NRP1: variants seen among roughly 807,000 people sequenced by gnomAD.
NRP1 encodes neuropilin 1, also known as neuropilin-1.
NRP1 carries 35 observed loss-of-function variants against 106.7 expected under a neutral mutation model. The observed-to-expected ratio is 0.33, with a 90% CI of 0.25 to 0.43. The LOEUF is 0.43. Ranked by LOEUF, NRP1 falls within the 20% of genes least tolerant of loss-of-function variation. The pLI is 1.00. For synonymous variants in NRP1, 437 were observed against 417.9 expected (o/e 1.05, Z -0.56); for missense variants, 1,024 against 1,170.4 (o/e 0.87, Z 1.83).
At chr10:33,238,506 A>G (rs1351828956) in intron 6 of NRP1, among the ~76,000 whole-genome samples, 1 of 152,188 alleles carries the variant, frequency 6.6e-6, no homozygotes, top group Non-Finnish European at 1.5e-5. Flanking sequence ...GAAGGTGATA[A>G]GATTCCTGCC....
At chr10:33,306,288 A>G (rs1257001043) in intron 2 of NRP1, among the ~76,000 whole-genome samples, 1 of 152,074 alleles carries the variant, frequency 6.6e-6, no homozygotes, top group Non-Finnish European at 1.5e-5. Flanking sequence ...AATGAGTGTT[A>G]AACCACTGCC....
rs550737752 is a variant in NRP1 at position 33,186,142 on chromosome 10, T to C, written c.2334+75A>G. On this transcript the variant is annotated intron_variant, in intron 14 of 16. Coordinates refer to ENST00000374867, the MANE Select transcript of NRP1 (RefSeq NM_003873.7). ...ATTTCGGAATAATTCCCATGTCTCA[T>C]TTGCACAGCCTCCAACATATCATCT... 116 of 1,493,398 alleles carry C rather than the reference T, an allele frequency of 7.8e-5. No homozygotes were observed. In the African/African-American group the frequency reaches 1.5e-3, roughly 20 times the overall value. 92.5% of individuals were successfully genotyped at this position (1,493,398 alleles called of 1,614,324 possible). A position where few individuals can be genotyped will look rare whatever the true frequency, so the allele number is the denominator to read the frequency against.
At chr10:33,282,013 A>G (rs970312428) in intron 2 of NRP1, among the ~76,000 whole-genome samples, 2 of 152,250 alleles carry the variant, frequency 1.3e-5, no homozygotes, top group Non-Finnish European at 2.9e-5. Context: ...ATATTCTGAA[A>G]AATACTGTTT....
At chr10:33,264,228 T>C (rs915299639) in intron 3 of NRP1, among the ~76,000 whole-genome samples, 2 of 152,356 alleles carry the variant, frequency 1.3e-5, no homozygotes, top group Admixed American at 1.3e-4. Context: ...CTTAAACCTT[T>C]AAATCTTGAG....
intron 2 of NRP1, among the ~76,000 whole-genome samples, chr10:33,289,019 G>T (rs1338460344): frequency 2.6e-5 from 4 of 152,110 alleles, no homozygotes; most frequent in African/African-American, 9.7e-5. Flanking sequence ...TCATGCTACT[G>T]AGAAAATGAA....
intron 2 of NRP1, among the ~76,000 whole-genome samples, chr10:33,330,022 A>G (rs1218493880): frequency 6.6e-6 from 1 of 152,240 alleles, no homozygotes; most frequent in Admixed American, 6.5e-5. Flanking sequence ...TTAACAATAG[A>G]AAGAGATAGC....
At chr10:33,318,900 G>C (rs11492493) in intron 2 of NRP1, among the ~76,000 whole-genome samples, 4 of 151,514 alleles carry the variant, frequency 2.6e-5, no homozygotes, top group African/African-American at 9.7e-5. Flanking sequence ...CGTCAGGCTT[G>C]GCAGCCTGTT....
At chr10:33,317,700 A>T (rs970183892) in intron 2 of NRP1, among the ~76,000 whole-genome samples, 3 of 152,180 alleles carry the variant, frequency 2.0e-5, no homozygotes, top group South Asian at 2.1e-4. Context: ...TGAAAGAATA[A>T]TTTTTTTAAG....
intron 2 of NRP1, among the ~76,000 whole-genome samples, chr10:33,294,961 C>A (rs1845282219): frequency 6.6e-6 from 1 of 152,216 alleles, no homozygotes; most frequent in South Asian, 2.1e-4. Context: ...ACTACATCAA[C>A]TTTGGGCAAT....
At chr10:33,239,617 T>A (rs1840855127) in intron 6 of NRP1, among the ~76,000 whole-genome samples, 1 of 152,244 alleles carries the variant, frequency 6.6e-6, no homozygotes, top group Admixed American at 6.5e-5. Context: ...TGCTAACTGA[T>A]GAATTTCACT....
intron 11 of NRP1, chr10:33,201,774 A>C (rs1268942316): frequency 6.6e-6 from 1 of 152,200 alleles, no homozygotes; most frequent in Non-Finnish European, 1.5e-5. Flanking sequence ...ATGTAAACTC[A>C]GTTCACAGTA....
chr10:33,226,049 G>A (rs1419031486), intron 7 of NRP1, 85 bp downstream of exon 7: 11 of 1,447,500 alleles, frequency 7.6e-6, no homozygotes, highest in South Asian at 1.2e-5. Context: ...AACCAGGCCA[G>A]ACAGAAAGCT....
At chr10:33,327,349 C>A (rs1314710328) in intron 2 of NRP1, among the ~76,000 whole-genome samples, 1 of 152,104 alleles carries the variant, frequency 6.6e-6, no homozygotes, top group Non-Finnish European at 1.5e-5. Flanking sequence ...CTACTAGTAA[C>A]CCTATGACAT....
chr10:33,320,727 G>C (rs915007988), intron 2 of NRP1, among the ~76,000 whole-genome samples: 1 of 152,208 alleles, frequency 6.6e-6, no homozygotes, highest in African/African-American at 2.4e-5. Flanking sequence ...ACAAGTGTCA[G>C]CTGTTTAAAC....
At chr10:33,277,012 G>A (rs1052393901) in intron 2 of NRP1, among the ~76,000 whole-genome samples, 6 of 151,814 alleles carry the variant, frequency 4.0e-5, no homozygotes, top group African/African-American at 1.5e-4. Context: ...TGCTGAGGTG[G>A]GAGGATCACT....
chr10:33,233,887 C>G (rs559563445), intron 6 of NRP1, among the ~76,000 whole-genome samples: 4 of 152,102 alleles, frequency 2.6e-5, no homozygotes, highest in Non-Finnish European at 5.9e-5. Context: ...TTAGATAAAA[C>G]ACATGTTTTT....
chr10:33,198,015 G>A (rs1182896253), intron 11 of NRP1, among the ~76,000 whole-genome samples: 1 of 148,888 alleles, frequency 6.7e-6, no homozygotes, highest in Non-Finnish European at 1.5e-5. Flanking sequence ...GGTACACTTA[G>A]TGGAATGGCT....
intron 7 of NRP1, among the ~76,000 whole-genome samples, chr10:33,225,344 C>T (rs1839575504): frequency 6.6e-6 from 1 of 152,170 alleles, no homozygotes; most frequent in Admixed American, 6.5e-5. Flanking sequence ...CTTCCCAAGC[C>T]CATCATTGCA....
intron 2 of NRP1, among the ~76,000 whole-genome samples, chr10:33,314,332 G>A (rs575530987): frequency 6.6e-6 from 1 of 152,102 alleles, no homozygotes; most frequent in African/African-American, 2.4e-5. Flanking sequence ...TCCCATCTTG[G>A]TCTCCCAAAG....
Sources: gnomAD v4.1 joint callset for allele counts (sites outside exome capture counted in the v4.1 genomes callset) on GRCh38, gnomAD v4.1.1 for gene constraint, MANE v1.5 for transcripts, NCBI Gene and HGNC (gene_info 2026-07-23, HGNC 2026-07-21) for gene names.